ALPK2: variants seen among roughly 807,000 people sequenced by gnomAD.
ALPK2 encodes alpha-protein kinase 2.
Under a neutral mutation model 163.1 loss-of-function variants are expected in ALPK2, and 127 were observed. The ratio of observed to expected loss-of-function variants is 0.78; its 90% confidence interval spans 0.67 to 0.90. The LOEUF (loss-of-function observed/expected upper bound fraction) is 0.90, where lower values mean the gene tolerates loss of function less well. ALPK2 is among the 40% of genes least tolerant of loss of function. ALPK2 has a pLI of 0.00. For missense variants in ALPK2, 2,360 were observed against 2,589.6 expected, an observed-to-expected ratio of 0.91 and a Z score of 1.92; for synonymous variants, 953 against 959.1, an observed-to-expected ratio of 0.99 and a Z score of 0.12.
chr18:58,561,135 A>G (rs930921785), intron 4 of ALPK2, among the ~76,000 whole-genome samples: 27 of 152,320 alleles, frequency 1.8e-4, no homozygotes, highest in South Asian at 4.1e-4. Flanking sequence ...TGTGCCCAAG[A>G]AAGCTCAGCA....
chr18:58,482,877 A>G lies in ALPK2; in HGVS notation c.6297-838T>C, dbSNP rs2051318820. Among the ~76,000 whole-genome samples, 3 of 152,212 alleles carry G rather than the reference A, an allele frequency of 2.0e-5. No homozygotes were observed. In the South Asian group the frequency reaches 6.2e-4, roughly 32 times the overall value. ...ATCTGCAGATGAACAAGATCCATCA[A>G]AAAATTGGTTGAAGGTGCAGGCTTC... is the stretch of plus-strand genomic sequence containing the variant. On this transcript the variant is annotated intron_variant, in intron 12 of 12. Transcript: ENST00000361673.
intron 11 of ALPK2, 94 bp from the exon 12 acceptor site, chr18:58,498,191 T>C: frequency 9.0e-7 from 1 of 1,113,532 alleles, no homozygotes; most frequent in South Asian, 1.3e-5. Context: ...TAATGACAGC[T>C]CATCCTCCTT....
chr18:58,506,813 G>A (rs1275467552), intron 10 of ALPK2, among the ~76,000 whole-genome samples: 1 of 152,126 alleles, frequency 6.6e-6, no homozygotes, highest in Non-Finnish European at 1.5e-5. Context: ...GGGGTGGCAG[G>A]GGGCCGTCCT....
chr18:58,530,259 C>G (rs1313641895), intron 5 of ALPK2, among the ~76,000 whole-genome samples: 2 of 152,226 alleles, frequency 1.3e-5, no homozygotes, highest in South Asian at 2.1e-4. Context: ...AAAGCTAATT[C>G]TCTACCCTGG....
chr18:58,599,000 C>T (rs770684534), intron 3 of ALPK2, among the ~76,000 whole-genome samples: 5 of 152,088 alleles, frequency 3.3e-5, no homozygotes, highest in African/African-American at 4.8e-5. Context: ...TGCACCTTTC[C>T]CTGACTGTCC....
chr18:58,497,983 T>G, intron 12 of ALPK2, 66 bp downstream of exon 12: 1 of 1,449,694 alleles, frequency 6.9e-7, no homozygotes, highest in Non-Finnish European at 9.7e-7. Flanking sequence ...AGCCTGACAG[T>G]GTCTGCCTGG....
chr18:58,534,798 A>C, intron 5 of ALPK2, 36 bp downstream of exon 5: 1 of 1,561,662 alleles, frequency 6.4e-7, no homozygotes, highest in East Asian at 2.2e-5. Context: ...CTACAAGCCC[A>C]AACTTTAACA....
At chr18:58,554,778 G>C (rs2051780769) in intron 4 of ALPK2, among the ~76,000 whole-genome samples, 1 of 152,164 alleles carries the variant, frequency 6.6e-6, no homozygotes, top group Non-Finnish European at 1.5e-5. Flanking sequence ...GTTTGGCTGT[G>C]TCCCCACCCA....
chr18:58,493,067 ACCG>A (rs2051383189), intron 12 of ALPK2, among the ~76,000 whole-genome samples: 1 of 152,190 alleles, frequency 6.6e-6, no homozygotes, highest in South Asian at 2.1e-4. Context: ...GAATGGGCTG[ACCG>A]GATGAAGATG....
intron 4 of ALPK2, among the ~76,000 whole-genome samples, chr18:58,542,163 G>A (rs181388227): frequency 1.2e-4 from 18 of 152,308 alleles, no homozygotes; most frequent in Non-Finnish European, 2.1e-4. Context: ...AGCGTTTGTA[G>A]CCCAGCTTAA....
At chr18:58,619,794 G>T (rs1417701313) in intron 1 of ALPK2, among the ~76,000 whole-genome samples, 1 of 152,124 alleles carries the variant, frequency 6.6e-6, no homozygotes, top group Non-Finnish European at 1.5e-5. Flanking sequence ...TCCACTCCAA[G>T]TTATCTTCCC....
intron 1 of ALPK2, among the ~76,000 whole-genome samples, chr18:58,620,600 C>T (rs2052193367): frequency 6.6e-6 from 1 of 151,720 alleles, no homozygotes; most frequent in Non-Finnish European, 1.5e-5. Context: ...TGATGATTGC[C>T]CAACCTAGTA....
rs745812070 is a variant in ALPK2 at position 58,578,734 on chromosome 18, A to ACACACACACGCGCGCG, written c.1962+79_1962+80insCGCGCGCGTGTGTGTG. On this transcript the variant is annotated intron_variant, in intron 4 of 12. Coordinates refer to ENST00000361673, the MANE Select transcript of ALPK2 (RefSeq NM_052947.4). ...TTGTGAATGTGAAGTAAAGGAAGAG[A>ACACACACACGCGCGCG]CACACACACACACACACACACACAC... 1.8e-5 allele frequency: 7 copies of ACACACACACGCGCGCG among 396,664 alleles called. No individual in the cohort carries two copies. The African/African-American group carries it at 3.3e-4, about 19-fold the overall frequency. 24.6% of individuals were successfully genotyped at this position (396,664 alleles called of 1,614,324 possible). A position where few individuals can be genotyped will look rare whatever the true frequency, so the allele number is the denominator to read the frequency against.
chr18:58,500,254 A>AAAC (rs1555661601), intron 11 of ALPK2, among the ~76,000 whole-genome samples: 87 of 148,570 alleles, frequency 5.9e-4, no homozygotes, highest in Non-Finnish European at 9.0e-4. Flanking sequence ...AAAAAAAAAA[A>AAAC]CCCACCAAAT....
intron 11 of ALPK2, among the ~76,000 whole-genome samples, chr18:58,502,134 CCACACACACACACACACACACACACA>C (rs71173056): frequency 1.7e-5 from 2 of 118,778 alleles, no homozygotes; most frequent in Non-Finnish European, 3.3e-5. Flanking sequence ...AACCCCATCT[CCACACACACACACACACACACACACA>C]CACACACACA....
At chr18:58,583,301 A>T (rs1051551397) in intron 3 of ALPK2, among the ~76,000 whole-genome samples, 1 of 152,060 alleles carries the variant, frequency 6.6e-6, no homozygotes, top group Admixed American at 6.5e-5. Flanking sequence ...AGTTATGCCT[A>T]AACTACAAAG....
intron 4 of ALPK2, among the ~76,000 whole-genome samples, chr18:58,553,913 G>C (rs576013289): frequency 1.5e-5 from 2 of 130,100 alleles, no homozygotes; most frequent in Non-Finnish European, 3.1e-5. Flanking sequence ...TCAGGCTAGA[G>C]TGCAGTGGCA....
intron 2 of ALPK2, among the ~76,000 whole-genome samples, chr18:58,607,906 A>G (rs1464530803): frequency 6.6e-6 from 1 of 152,224 alleles, no homozygotes; most frequent in African/African-American, 2.4e-5. Context: ...AATGCAAATA[A>G]TTTCCATCTA....
At chr18:58,593,315 C>T (rs2052023922) in intron 3 of ALPK2, among the ~76,000 whole-genome samples, 1 of 152,174 alleles carries the variant, frequency 6.6e-6, no homozygotes, top group African/African-American at 2.4e-5. Context: ...CCTGTAGTCC[C>T]AGCACTTTGG....
Sources: allele counts gnomAD v4.1 joint callset (sites outside exome capture counted in the v4.1 genomes callset), GRCh38; gene constraint gnomAD v4.1.1; transcripts MANE v1.5; gene names NCBI Gene and HGNC (gene_info 2026-07-23, HGNC 2026-07-21).